Variants in SRMS observed in about 807,000 individuals in gnomAD.
The protein encoded by SRMS is tyrosine-protein kinase Srms.
Under a neutral mutation model 43.5 loss-of-function variants are expected in SRMS, and 42 were observed. That is an observed-to-expected ratio of 0.97 (90% CI 0.75 to 1.25). The LOEUF (loss-of-function observed/expected upper bound fraction) is 1.25, where lower values mean the gene tolerates loss of function less well. Among genes scored for constraint, SRMS ranks in the 50% most tolerant of loss-of-function variants. SRMS has a pLI of 0.00. For synonymous variants in SRMS, 316 were observed against 308.2 expected, an observed-to-expected ratio of 1.03 and a Z score of -0.27; for missense variants, 703 against 681.0, an observed-to-expected ratio of 1.03 and a Z score of -0.36.
At position 63,540,756 on chromosome 20, in the gene SRMS, G is replaced by T. The variant is rs1471059766; in HGVS notation, c.*62C>A. 5 of 1,514,344 alleles carry T rather than the reference G, an allele frequency of 3.3e-6. No individual in the cohort carries two copies. The highest frequency in any genetic ancestry group is 3.5e-6 in the Non-Finnish European group (4 of 1,133,848). 93.8% of individuals were successfully genotyped at this position (1,514,344 alleles called of 1,614,324 possible). ...GGCAGACCGGCATCCCTTCGAGTTGGCGCTCTGCAGGGAGGAGGGGCTGGC... is the reference window on the plus strand; with the variant it reads ...GGCAGACCGGCATCCCTTCGAGTTGTCGCTCTGCAGGGAGGAGGGGCTGGC... On this transcript the variant is annotated 3_prime_UTR_variant, in exon 8 of 8. Coordinates refer to ENST00000217188, the MANE Select transcript of SRMS (RefSeq NM_080823.4).
Position 63,538,733 on chromosome 20 carries a change from A to G in SRMS, c.*2085T>C, listed in dbSNP as rs2082686744. On this transcript the variant is annotated 3_prime_UTR_variant, in exon 8 of 8. Coordinates refer to ENST00000217188, the MANE Select transcript of SRMS (RefSeq NM_080823.4). ...GCAGGGGGAGGGGTGGGGGGTGGGG[A>G]ATGCGGAAGGAGGGTGCCGGGGCAC... 7.0e-6 allele frequency among the ~76,000 whole-genome samples: 1 copy of G among 142,614 alleles called. No homozygotes were observed. Among genetic ancestry groups the G allele is most frequent in the Non-Finnish European group, 1.5e-5 (1 of 64,938 alleles). The allele number at this position is 142,614 out of a possible 152,430, so 93.6% of individuals were successfully genotyped here. A position where few individuals can be genotyped will look rare whatever the true frequency, so the allele number is the denominator to read the frequency against.
intron 2 of SRMS, among the ~76,000 whole-genome samples, 185 bp downstream of exon 2, chr20:63,544,018 GTGACTGAATGAATGAGTGGGTGAA>G (rs2082717945): frequency 6.6e-6 from 1 of 152,240 alleles, no homozygotes; most frequent in South Asian, 2.1e-4. Flanking sequence ...AAGTGAATGA[GTGACTGAATGAATGAGTGGGTGAA>G]TGACTGAATG....
rs778070350 is a variant in SRMS at position 63,547,660 on chromosome 20, G to T, written c.-197C>A. Among the ~76,000 whole-genome samples, 1 of 152,344 alleles carries T rather than the reference G, an allele frequency of 6.6e-6. No homozygotes were observed. The highest frequency in any genetic ancestry group is 2.4e-5 in the African/African-American group (1 of 41,584). ...GGTTCCCACCGGCGTCCGGGCTGGC[G>T]TTGGGGCTGGGTGGGGCGCAGGGCG... On this transcript the variant is annotated 5_prime_UTR_variant, in exon 1 of 8. Transcript: ENST00000217188.
At chr20:63,542,682 C>T in intron 3 of SRMS, 101 bp from the exon 4 acceptor site, 4 of 1,376,866 alleles carry the variant, frequency 2.9e-6, no homozygotes, top group Non-Finnish European at 3.9e-6. Context: ...CCCCTGTCCC[C>T]AGCACACACT....
rs1600943462 is a variant in SRMS at position 63,540,378 on chromosome 20, C to A, written c.*440G>T. On this transcript the variant is annotated 3_prime_UTR_variant, in exon 8 of 8. Transcript: ENST00000217188. ...CACCCTGGGAGGGAGTCCAGGGGAC[C>A]CAGGCAGGAGACACACAGGGCTCAG... Among the ~76,000 whole-genome samples the A allele has an allele frequency of 6.6e-6, 1 of 152,182 alleles. No individual in the cohort carries two copies. Among genetic ancestry groups the A allele is most frequent in the African/African-American group, 2.4e-5 (1 of 41,436 alleles).
In SRMS at chr20:63,540,917, G is replaced by A. The variant is rs779965866; in HGVS notation, c.1368C>T (p.Tyr456=). Residue 456 remains tyrosine (Y), a synonymous_variant, in exon 8 of 8, where the codon TAC becomes TAT. Transcript: ENST00000217188. ...PRPAACPAEV[Y]VLMLECWRSS... ...TCCTCCAGCACTCCAGCATGAGCAC[G>A]TAGACCTCCGCCGGGCAGGCAGCCG... is the stretch of plus-strand genomic sequence containing the variant. The A allele has an allele frequency of 1.6e-5, 26 of 1,606,402 alleles. No individual in the cohort carries two copies. Among genetic ancestry groups the A allele is most frequent in the South Asian group, 2.2e-5 (2 of 90,984 alleles).
intron 1 of SRMS, 27 bp downstream of exon 1, chr20:63,547,081 C>A: frequency 6.6e-7 from 1 of 1,505,928 alleles, no homozygotes; most frequent in East Asian, 2.4e-5. Context: ...GCGAGGCAGG[C>A]TCTGACTCCG....
intron 3 of SRMS, 138 bp from the exon 4 acceptor site, chr20:63,542,719 G>T: frequency 8.5e-7 from 1 of 1,176,002 alleles, no homozygotes; most frequent in Non-Finnish European, 1.2e-6. Flanking sequence ...GGACAAAGGG[G>T]AGTGGGTGCC....
chr20:63,542,470 G>C lies in SRMS; in HGVS notation c.757C>G (p.Leu253Val). The C allele has an allele frequency of 1.9e-6, 3 of 1,612,484 alleles. No individual in the cohort carries two copies. Among genetic ancestry groups the C allele is most frequent in the Non-Finnish European group, 2.5e-6 (3 of 1,179,750 alleles). Residue 253 changes from leucine to valine, a missense_variant, in exon 4 of 8, where the codon CTG becomes GTG. By Grantham distance (32) the Leu-to-Val change is conservative. Coordinates refer to ENST00000217188, the MANE Select transcript of SRMS (RefSeq NM_080823.4). The stretch of plus-strand genomic sequence containing the variant: ...TTGATGACCTTGATCGCCACGGGCA[G>C]GGAGCCCAGCCACAGGCCTTCCCAC... Reference protein sequence around the residue: ...EVWEGLWLGSLPVAIKVIKSA... With the variant: ...EVWEGLWLGSVPVAIKVIKSA...
At chr20:63,544,124 C>T (rs552250418) in intron 2 of SRMS, 103 bp downstream of exon 2, 36 of 1,303,056 alleles carry the variant, frequency 2.8e-5, no homozygotes, top group Middle Eastern at 2.3e-4. Context: ...TCAGTGGCGC[C>T]GGGTGTGAAT....
Position 63,543,400 on chromosome 20 carries a change from A to G in SRMS, c.559T>C (p.Phe187Leu), listed in dbSNP as rs1017574338. The stretch of plus-strand genomic sequence containing the variant: ...GTGAGCAGCTCCTCCAGGCCGGGAA[A>G]GAGCCGTCCCTTCTGCAGGTAGAGG... ...GSLYLQKGRL[F>L]PGLEELLTYY... Residue 187 changes from phenylalanine (F) to leucine (L), a missense_variant, in exon 3 of 8, where the codon TTT (phenylalanine) becomes CTT (leucine). By Grantham distance (22) the Phe-to-Leu change is conservative (BLOSUM62 0). Coordinates refer to ENST00000217188, the MANE Select transcript of SRMS (RefSeq NM_080823.4). 6.2e-7 allele frequency: 1 copy of G among 1,612,830 alleles called. No homozygotes were observed. The highest frequency in any genetic ancestry group is 8.5e-7 in the Non-Finnish European group (1 of 1,179,938).
In SRMS at chr20:63,542,147, C is replaced by T; in HGVS notation, c.946+16G>A. 6.3e-7 allele frequency: 1 copy of T among 1,598,598 alleles called. No individual in the cohort carries two copies. Reference sequence around the variant, plus strand: ...CAGGCGCGTCAGGGCCACGTGGCAGCAGGGAGGGGACTCACTGCCCAGGAA... The same window carrying T: ...CAGGCGCGTCAGGGCCACGTGGCAGTAGGGAGGGGACTCACTGCCCAGGAA... On this transcript the variant is annotated intron_variant, in intron 5 of 7. Coordinates refer to ENST00000217188, the MANE Select transcript of SRMS (RefSeq NM_080823.4).
intron 7 of SRMS, 42 bp downstream of exon 7, chr20:63,541,149 G>T: frequency 6.5e-7 from 1 of 1,549,944 alleles, no homozygotes; most frequent in South Asian, 1.2e-5. Context: ...AGTGACTCCT[G>T]GGCAGAGCCT....
At position 63,541,522 on chromosome 20, in the gene SRMS, G is replaced by T. The variant is rs374425555; in HGVS notation, c.1045C>A (p.Arg349=). 1.9e-6 allele frequency: 3 copies of T among 1,602,574 alleles called. No individual in the cohort carries two copies. Among genetic ancestry groups the T allele is most frequent in the Non-Finnish European group, 2.6e-6 (3 of 1,176,302 alleles). Residue 349 remains arginine, a synonymous_variant, in exon 6 of 8, where the codon CGG becomes AGG. Transcript: ENST00000217188. ...AGCACGTTCCGGGCGGCCAAGTCCC[G>T]GTGCACAACGCGCTGCTCCTCCAGG... ...SYLEEQRVVH[R]DLAARNVLVD...
At position 63,539,497 on chromosome 20, in the gene SRMS, T is replaced by C. The variant is rs527702264; in HGVS notation, c.*1321A>G. Among the ~76,000 whole-genome samples the C allele has an allele frequency of 2.6e-5, 4 of 152,232 alleles. No homozygotes were observed. Among genetic ancestry groups the C allele is most frequent in the Non-Finnish European group, 5.9e-5 (4 of 67,992 alleles). ...AAGGACTCAGTCAGGCCTGAACTTG[T>C]CTCCAAACTTTCTGTCCCCGAAAGC... On this transcript the variant is annotated 3_prime_UTR_variant, in exon 8 of 8. Transcript: ENST00000217188.
In SRMS at chr20:63,539,775, T is replaced by C. The variant is rs1600943020; in HGVS notation, c.*1043A>G. On this transcript the variant is annotated 3_prime_UTR_variant, in exon 8 of 8. Coordinates refer to ENST00000217188, the MANE Select transcript of SRMS (RefSeq NM_080823.4). ...ACTTGCTGCCCAGCATACCATGGCA[T>C]CTACCTCCGAGCCCCCAACCGACCC... Among the ~76,000 whole-genome samples, 1 of 151,912 alleles carries C rather than the reference T, an allele frequency of 6.6e-6. No individual in the cohort carries two copies. The highest frequency in any genetic ancestry group is 1.9e-4 in the East Asian group (1 of 5,176).
rs570914904 is a variant in SRMS at position 63,546,676 on chromosome 20, C to T, written c.356+432G>A. Among the ~76,000 whole-genome samples the T allele has an allele frequency of 3.9e-5, 6 of 152,190 alleles. No homozygotes were observed. In the East Asian group the frequency reaches 5.8e-4, roughly 15 times the overall value. On this transcript the variant is annotated intron_variant, in intron 1 of 7. Coordinates refer to ENST00000217188, the MANE Select transcript of SRMS (RefSeq NM_080823.4). ...CAGCCCCCAGCCCCTGCTCACCTGC[C>T]GTCACCCAGAGCTCCTGGAGCTCCT...
chr20:63,543,872 G>T, intron 2 of SRMS: 1 of 361,374 alleles, frequency 2.8e-6, no homozygotes, highest in East Asian at 4.6e-5. Context: ...GAGTGAATTA[G>T]TGAGTGACGA....
chr20:63,547,012 C>G, intron 1 of SRMS, 96 bp downstream of exon 1: 1 of 1,125,336 alleles, frequency 8.9e-7, no homozygotes, highest in Non-Finnish European at 1.2e-6. Context: ...AACAGATAGC[C>G]ACGGACATGC....
Sources: allele counts gnomAD v4.1 joint callset (sites outside exome capture counted in the v4.1 genomes callset), GRCh38; gene constraint gnomAD v4.1.1; transcripts MANE v1.5; gene names NCBI Gene and HGNC (gene_info 2026-07-23, HGNC 2026-07-21).